The following SCFD2 variants were observed in gnomAD, a reference collection of about 807,000 sequenced individuals.
The protein encoded by SCFD2 is sec1 family domain containing 2, also known as sec1 family domain-containing protein 2.
In SCFD2, 54 loss-of-function variants were observed where a neutral mutation model predicts 58.9. The observed-to-expected ratio is 0.92, with a 90% CI of 0.74 to 1.15. The LOEUF is 1.15. Among genes scored for constraint, SCFD2 ranks in the 50% most tolerant of loss-of-function variants. The probability of loss-of-function intolerance (pLI) is 0.00; values close to 1 mark genes in which losing one functional copy is unlikely to be tolerated. For synonymous variants in SCFD2, 321 were observed against 335.9 expected (o/e 0.96, Z 0.49); for missense variants, 805 against 836.6 (o/e 0.96, Z 0.47).
chr4:53,214,357 T>G (rs898714903), intron 4 of SCFD2, among the ~76,000 whole-genome samples: 2 of 152,150 alleles, frequency 1.3e-5, no homozygotes, highest in Admixed American at 6.5e-5. Context: ...CTAACTGGTG[T>G]GAGATGGTAT....
intron 5 of SCFD2, among the ~76,000 whole-genome samples, chr4:52,934,531 T>C (rs1720088297): frequency 6.6e-6 from 1 of 152,182 alleles, no homozygotes; most frequent in South Asian, 2.1e-4. Context: ...GGTTTGTTTG[T>C]TGTGAAAAGC....
chr4:53,189,940 A>C (rs1360146091), intron 4 of SCFD2, among the ~76,000 whole-genome samples: 1 of 152,238 alleles, frequency 6.6e-6, no homozygotes, highest in Non-Finnish European at 1.5e-5. Flanking sequence ...CTGAAAAATG[A>C]ATACGTGAAT....
chr4:52,979,355 T>G (rs1206321081), intron 5 of SCFD2, among the ~76,000 whole-genome samples: 2 of 152,164 alleles, frequency 1.3e-5, no homozygotes, highest in African/African-American at 2.4e-5. Flanking sequence ...TATTTTTTCT[T>G]CTGTGTCATT....
chr4:53,253,871 C>T (rs1468304079), intron 4 of SCFD2, among the ~76,000 whole-genome samples: 1 of 147,918 alleles, frequency 6.8e-6, no homozygotes. Context: ...CACATGTACC[C>T]TAAAACTTAA....
chr4:53,176,185 T>A (rs1207631726), intron 4 of SCFD2, among the ~76,000 whole-genome samples: 1 of 152,234 alleles, frequency 6.6e-6, no homozygotes, highest in Non-Finnish European at 1.5e-5. Flanking sequence ...TCAAACCAGA[T>A]ACATTATAGC....
intron 5 of SCFD2, among the ~76,000 whole-genome samples, chr4:53,116,065 C>T (rs1394034686): frequency 6.6e-6 from 1 of 152,096 alleles, no homozygotes; most frequent in Non-Finnish European, 1.5e-5. Context: ...ACACAGGATT[C>T]GTTCAGAAAT....
intron 3 of SCFD2, among the ~76,000 whole-genome samples, chr4:53,293,018 C>A (rs926462490): frequency 6.6e-6 from 1 of 151,264 alleles, no homozygotes; most frequent in African/African-American, 2.4e-5. Flanking sequence ...CACATGTATC[C>A]CAGAACTTAA....
At chr4:53,120,802 C>A (rs1725457952) in intron 5 of SCFD2, among the ~76,000 whole-genome samples, 2 of 152,102 alleles carry the variant, frequency 1.3e-5, no homozygotes, top group Non-Finnish European at 2.9e-5. Context: ...GCCAAGGTAT[C>A]CCATCACAAA....
intron 6 of SCFD2, among the ~76,000 whole-genome samples, chr4:52,909,759 G>A (rs962314110): frequency 6.6e-6 from 1 of 152,120 alleles, no homozygotes; most frequent in Non-Finnish European, 1.5e-5. Flanking sequence ...TTATCTCTAG[G>A]TTCAGGAAGT....
At chr4:53,064,019 T>C (rs1723588406) in intron 5 of SCFD2, among the ~76,000 whole-genome samples, 1 of 152,128 alleles carries the variant, frequency 6.6e-6, no homozygotes, top group African/African-American at 2.4e-5. Context: ...TTCCTTTTTA[T>C]ATAAAATATC....
intron 5 of SCFD2, among the ~76,000 whole-genome samples, chr4:52,926,460 G>A (rs1238919454): frequency 1.3e-5 from 2 of 152,096 alleles, no homozygotes; most frequent in African/African-American, 4.8e-5. Context: ...AATCATGCAC[G>A]TGTGGCTTGA....
At chr4:53,149,879 A>C (rs1294433119) in intron 4 of SCFD2, among the ~76,000 whole-genome samples, 1 of 152,198 alleles carries the variant, frequency 6.6e-6, no homozygotes, top group East Asian at 1.9e-4. Context: ...GATCGTGAAC[A>C]ATCAGGAAAG....
At chr4:53,243,940 G>A (rs1261278254) in intron 4 of SCFD2, among the ~76,000 whole-genome samples, 2 of 151,892 alleles carry the variant, frequency 1.3e-5, no homozygotes, top group East Asian at 3.9e-4. Context: ...ATTCAATGAA[G>A]AGACATAACA....
At chr4:53,204,487 T>C (rs1286833766) in intron 4 of SCFD2, among the ~76,000 whole-genome samples, 2 of 149,556 alleles carry the variant, frequency 1.3e-5, no homozygotes, top group Non-Finnish European at 3.0e-5. Flanking sequence ...TAAAAAGCTT[T>C]GAAGATAAAG....
At position 52,940,722 on chromosome 4, in the gene SCFD2, T is replaced by A. The variant is rs1455964464; in HGVS notation, c.1562-19852A>T. The stretch of plus-strand genomic sequence containing the variant: ...CTCGGCCAGGGAACAATCTGTTTTG[T>A]GGTAATGCGCAAAGGGACTTCTTGT... On this transcript the variant is annotated intron_variant, in intron 5 of 8. Transcript: ENST00000401642. Among the ~76,000 whole-genome samples, 3 of 152,156 alleles carry A rather than the reference T, an allele frequency of 2.0e-5. No individual in the cohort carries two copies. In the East Asian group the frequency reaches 5.8e-4, roughly 29 times the overall value.
chr4:52,966,665 T>G lies in SCFD2; in HGVS notation c.1562-45795A>C, dbSNP rs1048144916. ...AGATTTATAAAAAAAGTGACAATAG[T>G]ATAAAGATTTCTTATATAATTTATT... On this transcript the variant is annotated intron_variant, in intron 5 of 8. Transcript: ENST00000401642. 2.0e-5 allele frequency among the ~76,000 whole-genome samples: 3 copies of G among 152,224 alleles called. No individual in the cohort carries two copies. The South Asian group carries it at 6.2e-4, about 32-fold the overall frequency.
intron 3 of SCFD2, among the ~76,000 whole-genome samples, chr4:53,295,783 T>C (rs767977864): frequency 8.5e-5 from 13 of 152,242 alleles, no homozygotes; most frequent in Non-Finnish European, 1.6e-4. Flanking sequence ...ATGTCATAAA[T>C]AACTCTCAAT....
rs78423800 is a variant in SCFD2 at position 52,945,253 on chromosome 4, T to C, written c.1562-24383A>G. On this transcript the variant is annotated intron_variant, in intron 5 of 8. Transcript: ENST00000401642. ...GGGACTTGTGCTTTTATCTCTATTG[T>C]TTAAATTTCATTCGAGATCACATTC... Among the ~76,000 whole-genome samples, 7 of 152,280 alleles carry C rather than the reference T, an allele frequency of 4.6e-5. No homozygotes were observed. In the East Asian group the frequency reaches 1.3e-3, roughly 29 times the overall value.
chr4:53,350,382 A>G (rs924445211), intron 2 of SCFD2, among the ~76,000 whole-genome samples: 10 of 152,194 alleles, frequency 6.6e-5, no homozygotes, highest in African/African-American at 2.4e-4. Flanking sequence ...CAGTCTCTCT[A>G]ATGTCAATGC....
Sources: gnomAD v4.1 joint callset for allele counts (sites outside exome capture counted in the v4.1 genomes callset) on GRCh38, gnomAD v4.1.1 for gene constraint, MANE v1.5 for transcripts, NCBI Gene and HGNC (gene_info 2026-07-23, HGNC 2026-07-21) for gene names.